The following QTMAN variants were observed in gnomAD, a reference collection of about 807,000 sequenced individuals.
The protein encoded by QTMAN is tRNA-queuosine alpha-mannosyltransferase.
At chr2:144,215,247 TTTA>T in the QTMAN span, among the ~76,000 whole-genome samples, 2 of 148,806 alleles carry the variant, frequency 1.3e-5, no homozygotes, top group African/African-American at 5.0e-5. Context: ...GTCTTTATTT[TTTA>T]AAAAAAAAAA....
chr2:144,015,774 G>C, the QTMAN span, among the ~76,000 whole-genome samples: 1 of 152,172 alleles, frequency 6.6e-6, no homozygotes, highest in Non-Finnish European at 1.5e-5. Flanking sequence ...TCAAGCAACA[G>C]GTTATGTTGA....
the QTMAN span, among the ~76,000 whole-genome samples, chr2:144,040,690 G>T: frequency 2.0e-5 from 3 of 152,106 alleles, no homozygotes; most frequent in Non-Finnish European, 2.9e-5. Context: ...GAGGAAAGGA[G>T]CTTAAGTAGG....
chr2:143,999,022 A>C, the QTMAN span, among the ~76,000 whole-genome samples: 4 of 151,994 alleles, frequency 2.6e-5, no homozygotes, highest in Non-Finnish European at 5.9e-5. Flanking sequence ...TAATTCATTA[A>C]CATTAAGTAA....
At chr2:143,952,314 A>G in the QTMAN span, among the ~76,000 whole-genome samples, 3 of 151,642 alleles carry the variant, frequency 2.0e-5, no homozygotes, top group Non-Finnish European at 4.4e-5. Flanking sequence ...CTAATGTAAC[A>G]CAATGCATAT....
the QTMAN span, among the ~76,000 whole-genome samples, chr2:144,292,228 G>A: frequency 6.6e-6 from 1 of 152,132 alleles, no homozygotes; most frequent in Non-Finnish European, 1.5e-5. Flanking sequence ...GTTTGGGACA[G>A]TCCAGTCTAA....
the QTMAN span, among the ~76,000 whole-genome samples, chr2:144,015,584 T>C: frequency 1.3e-5 from 2 of 152,208 alleles, no homozygotes; most frequent in Non-Finnish European, 2.9e-5. Flanking sequence ...TCTTAAATTG[T>C]TACAATGCAC....
the QTMAN span, chr2:144,145,449 TGC>T: frequency 1.7e-6 from 1 of 591,018 alleles, no homozygotes; most frequent in Non-Finnish European, 3.0e-6. Flanking sequence ...TTTAAATATT[TGC>T]ACCTACCTTA....
the QTMAN span, among the ~76,000 whole-genome samples, chr2:143,972,057 A>T: frequency 6.6e-6 from 1 of 152,176 alleles, no homozygotes; most frequent in South Asian, 2.1e-4. Context: ...TCAAATAATA[A>T]AGAATGCAAT....
the QTMAN span, among the ~76,000 whole-genome samples, chr2:143,965,975 G>A: frequency 6.6e-6 from 1 of 152,184 alleles, no homozygotes; most frequent in African/African-American, 2.4e-5. Context: ...TTATCCACAG[G>A]GGATGAATTG....
chr2:144,045,203 C>T, the QTMAN span, among the ~76,000 whole-genome samples: 1 of 152,184 alleles, frequency 6.6e-6, no homozygotes, highest in Non-Finnish European at 1.5e-5. Context: ...GTTGAATTCA[C>T]ACTTAAAGTA....
chr2:144,124,814 C>G, the QTMAN span, among the ~76,000 whole-genome samples: 1 of 152,102 alleles, frequency 6.6e-6, no homozygotes. Flanking sequence ...GCTTCCTTTG[C>G]TAGACATTTT....
At chr2:144,203,086 G>A in the QTMAN span, among the ~76,000 whole-genome samples, 1 of 151,814 alleles carries the variant, frequency 6.6e-6, no homozygotes, top group Admixed American at 6.6e-5. Flanking sequence ...TGGAAAAGAT[G>A]AAGCCTAGAA....
the QTMAN span, among the ~76,000 whole-genome samples, chr2:143,991,668 C>T: frequency 7.1e-6 from 1 of 140,770 alleles, no homozygotes; most frequent in East Asian, 2.2e-4. Flanking sequence ...CAGCCAGCCG[C>T]CCCGTCTGGG....
At chr2:144,236,633 C>T in the QTMAN span, among the ~76,000 whole-genome samples, 1 of 151,888 alleles carries the variant, frequency 6.6e-6, no homozygotes, top group African/African-American at 2.4e-5. Flanking sequence ...CAAAAAGGAC[C>T]ATTTATGACA....
chr2:144,208,801 G>C, the QTMAN span: 1 of 1,524,480 alleles, frequency 6.6e-7, no homozygotes, highest in Admixed American at 2.1e-5. Context: ...CAAACCTTCA[G>C]ATCCTAAATA....
the QTMAN span, among the ~76,000 whole-genome samples, chr2:144,162,198 C>T: frequency 6.6e-6 from 1 of 152,108 alleles, no homozygotes; most frequent in Non-Finnish European, 1.5e-5. Context: ...CATGCTGACA[C>T]TGTCCTGGGT....
At chr2:144,284,932 A>C in the QTMAN span, among the ~76,000 whole-genome samples, 1 of 146,114 alleles carries the variant, frequency 6.8e-6, no homozygotes, top group African/African-American at 2.6e-5. Context: ...GGGAGGCCAA[A>C]CTTTTTTTTT....
chr2:144,254,016 C>A, the QTMAN span, among the ~76,000 whole-genome samples: 228 of 152,370 alleles, frequency 1.5e-3, no homozygotes, highest in African/African-American at 5.3e-3. Flanking sequence ...GCTGCTCCAG[C>A]CATGGCTAAA....
chr2:144,209,440 G>T, the QTMAN span, among the ~76,000 whole-genome samples: 94 of 152,178 alleles, frequency 6.2e-4, 1 homozygote, highest in Admixed American at 5.5e-3. Flanking sequence ...CACATACTTT[G>T]ATCACTTCCC....
Sources: gnomAD v4.1 joint callset for allele counts (sites outside exome capture counted in the v4.1 genomes callset) on GRCh38, gnomAD v4.1.1 for gene constraint, MANE v1.5 for transcripts, NCBI Gene and HGNC (gene_info 2026-07-23, HGNC 2026-07-21) for gene names.